The following MACF1 variants were observed in gnomAD, a reference collection of about 807,000 sequenced individuals.
MACF1 encodes microtubule-actin cross-linking factor 1.
MACF1 carries 193 observed loss-of-function variants against 854.8 expected under a neutral mutation model. The ratio of observed to expected loss-of-function variants is 0.23; its 90% CI spans 0.20 to 0.25. The LOEUF (loss-of-function observed/expected upper bound fraction) is 0.25. Ranked by LOEUF, MACF1 falls within the 10% of genes least tolerant of loss-of-function variation. The pLI is 1.00. For synonymous variants in MACF1, 3,185 were observed against 3,226.7 expected, an observed-to-expected ratio of 0.99 and a Z score of 0.44; for missense variants, 7,722 against 8,929.1, an observed-to-expected ratio of 0.86 and a Z score of 5.45.
intron 2 of MACF1, among the ~76,000 whole-genome samples, chr1:39,158,278 G>C (rs949915914): frequency 6.6e-6 from 1 of 152,162 alleles, no homozygotes; most frequent in Non-Finnish European, 1.5e-5. Context: ...AGAGGGTCCT[G>C]TCTCCCTGAA....
At position 39,105,364 on chromosome 1, in the gene MACF1, T is replaced by G; in HGVS notation, c.220+20926T>G. On this transcript the variant is annotated intron_variant, in intron 2 of 93. Transcript: ENST00000361689. The surrounding 1 kb of genome is among the most constrained non-coding windows in gnomAD (Gnocchi z 5.9). ...CCGCTGCAGCCGCGCCGGGGCGGGCTGAGGGAGGAGCGGAGCCGAGGGGTG... is the reference window on the plus strand; with the variant it reads ...CCGCTGCAGCCGCGCCGGGGCGGGCGGAGGGAGGAGCGGAGCCGAGGGGTG... 2.1e-6 allele frequency: 2 copies of G among 968,026 alleles called. No individual in the cohort carries two copies. Among genetic ancestry groups the G allele is most frequent in the Non-Finnish European group, 2.5e-6 (2 of 816,068 alleles). The allele number at this position is 968,026 out of a possible 1,614,324, so 60.0% of individuals were successfully genotyped here.
At position 39,477,094 on chromosome 1, in the gene MACF1, C is replaced by CTTAGTGTATATATATATATATATAT. The variant is rs1557675129; in HGVS notation, c.21959-2704_21959-2703insTTAGTGTATATATATATATATATAT. Among the ~76,000 whole-genome samples the CTTAGTGTATATATATATATATATAT allele has an allele frequency of 8.5e-4, 67 of 78,772 alleles. 2 individuals carry two copies. The highest frequency in any genetic ancestry group is 4.2e-3 in the African/African-American group (62 of 14,628). 51.7% of individuals were successfully genotyped at this position (78,772 alleles called of 152,430 possible). A position where few individuals can be genotyped will look rare whatever the true frequency, so the allele number is the denominator to read the frequency against. On this transcript the variant is annotated intron_variant, in intron 97 of 100. Transcript: ENST00000564288. ...ATATATATATATATATATATATACA[C>CTTAGTGTATATATATATATATATAT]ACACACACATATATACACTTAGTGT...
chr1:39,106,234 G>A (rs1409969898), intron 2 of MACF1, among the ~76,000 whole-genome samples: 1 of 152,144 alleles, frequency 6.6e-6, no homozygotes, highest in Non-Finnish European at 1.5e-5. Context: ...GGGCAGCGGT[G>A]TGGGTGAGTG....
chr1:39,185,146 G>T (rs1644150112), intron 2 of MACF1, among the ~76,000 whole-genome samples: 1 of 152,094 alleles, frequency 6.6e-6, no homozygotes. Flanking sequence ...AAAAAAATTA[G>T]CTGGGCGTGG....
chr1:39,417,453 G>C (rs1181307528), intron 58 of MACF1, among the ~76,000 whole-genome samples: 4 of 152,122 alleles, frequency 2.6e-5, no homozygotes, highest in African/African-American at 9.7e-5. Flanking sequence ...TTCAGTGTTT[G>C]AACGCTCTGC....
intron 58 of MACF1, among the ~76,000 whole-genome samples, chr1:39,394,226 G>C (rs540568852): frequency 6.6e-6 from 1 of 150,916 alleles, no homozygotes; most frequent in African/African-American, 2.5e-5. Context: ...AGAAAGTCTT[G>C]TAAACGCCTT....
At chr1:39,325,362 C>T (rs1283659968) in intron 35 of MACF1, among the ~76,000 whole-genome samples, 2 of 152,164 alleles carry the variant, frequency 1.3e-5, no homozygotes, top group Non-Finnish European at 2.9e-5. Flanking sequence ...TCTTTGGTGC[C>T]TCTGGTGACA....
chr1:39,200,014 C>T (rs1644370120), upstream of MACF1, among the ~76,000 whole-genome samples: 1 of 152,154 alleles, frequency 6.6e-6, no homozygotes, highest in South Asian at 2.1e-4. Flanking sequence ...AGTTGTTTTT[C>T]CCTGTCCTTG....
At chr1:39,101,369 A>T (rs1557452886) in intron 2 of MACF1, among the ~76,000 whole-genome samples, 5 of 89,274 alleles carry the variant, frequency 5.6e-5, no homozygotes, top group African/African-American at 1.6e-4. Context: ...AAAAAAAAAA[A>T]ATATGTATAT....
chr1:39,483,335 T>C (rs79537635), intron 99 of MACF1, among the ~76,000 whole-genome samples: 8 of 152,022 alleles, frequency 5.3e-5, no homozygotes, highest in African/African-American at 1.9e-4. Flanking sequence ...GGGGAGAGAA[T>C]AGAAGTGTAC....
At chr1:39,483,456 G>T (rs964626515) in intron 99 of MACF1, among the ~76,000 whole-genome samples, 2 of 152,166 alleles carry the variant, frequency 1.3e-5, no homozygotes, top group Non-Finnish European at 2.9e-5. Flanking sequence ...GGTAGGCTTG[G>T]GGTGTGGTGA....
At chr1:39,446,860 G>A (rs550601649) in intron 80 of MACF1, among the ~76,000 whole-genome samples, 1 of 152,250 alleles carries the variant, frequency 6.6e-6, no homozygotes, top group Admixed American at 6.5e-5. Flanking sequence ...ATCTAGTGTT[G>A]TCAGATTTTT....
At chr1:39,109,846 G>A (rs1642349443) in intron 2 of MACF1, among the ~76,000 whole-genome samples, 1 of 152,112 alleles carries the variant, frequency 6.6e-6, no homozygotes, top group Non-Finnish European at 1.5e-5. Flanking sequence ...GTGAGAAATT[G>A]TGAAAATGCT....
intron 52 of MACF1, chr1:39,373,473 GAAAAAAAAAAAAAA>G (rs57688838): frequency 2.1e-4 from 14 of 66,346 alleles, no homozygotes; most frequent in African/African-American, 6.7e-4. Context: ...TCCATCTCAG[GAAAAAAAAAAAAAA>G]AAAAAAAAAA....
At chr1:39,412,015 T>G (rs775864730) in intron 58 of MACF1, 2 of 1,613,970 alleles carry the variant, frequency 1.2e-6, no homozygotes, top group East Asian at 4.5e-5. Context: ...GACTGCAGAA[T>G]TTAAGTCCAG....
intron 23 of MACF1, among the ~76,000 whole-genome samples, chr1:39,306,738 G>A (rs1646187898): frequency 6.6e-6 from 1 of 151,016 alleles, no homozygotes; most frequent in Non-Finnish European, 1.5e-5. Context: ...CCCTGGTTTG[G>A]TGGATTACAC....
At chr1:39,187,507 A>G (rs558298219) in intron 2 of MACF1, among the ~76,000 whole-genome samples, 1 of 152,148 alleles carries the variant, frequency 6.6e-6, no homozygotes, top group South Asian at 2.1e-4. Context: ...GTTGGATTTC[A>G]TGTTTCCCAG....
chr1:39,119,540 T>C (rs1642641124), intron 2 of MACF1, among the ~76,000 whole-genome samples: 1 of 152,174 alleles, frequency 6.6e-6, no homozygotes, highest in Admixed American at 6.5e-5. Context: ...ACTTCATGAA[T>C]TGAGCTACTT....
At chr1:39,238,888 G>T (rs1644889408) in intron 2 of MACF1, among the ~76,000 whole-genome samples, 3 of 152,166 alleles carry the variant, frequency 2.0e-5, no homozygotes. Flanking sequence ...GAGAATTAGG[G>T]ATTGAGATTT....
Sources: gnomAD v4.1 joint callset for allele counts (sites outside exome capture counted in the v4.1 genomes callset) on GRCh38, gnomAD v4.1.1 for gene constraint, Gnocchi (gnomAD v3.1) non-coding constraint, MANE v1.5 for transcripts, NCBI Gene and HGNC (gene_info 2026-07-23, HGNC 2026-07-21) for gene names.